ATP13A5: variants seen among roughly 807,000 people sequenced by gnomAD.
The protein encoded by ATP13A5 is probable cation-transporting ATPase 13A5.
ATP13A5 carries 149 observed loss-of-function variants against 150.2 expected under a neutral mutation model. The observed-to-expected ratio is 0.99, with a 90% CI of 0.87 to 1.14. The LOEUF is 1.14. Ranked by LOEUF, ATP13A5 falls within the 50% of genes most tolerant of loss-of-function variation. The pLI is 0.00. For missense variants in ATP13A5, 1,383 were observed against 1,449.3 expected, an observed-to-expected ratio of 0.95 and a Z score of 0.74; for synonymous variants, 497 against 522.2, an observed-to-expected ratio of 0.95 and a Z score of 0.66.
chr3:193,348,889 G>C (rs1161481520), intron 7 of ATP13A5, among the ~76,000 whole-genome samples: 1 of 152,168 alleles, frequency 6.6e-6, no homozygotes, highest in Non-Finnish European at 1.5e-5. Context: ...ACTTGACTTG[G>C]AATCAGAAAA....
chr3:193,309,231 G>A (rs1369719596), intron 21 of ATP13A5, among the ~76,000 whole-genome samples: 2 of 152,082 alleles, frequency 1.3e-5, no homozygotes, highest in Admixed American at 6.6e-5. Context: ...TTCCCTGCTG[G>A]GGCCAGATAA....
chr3:193,342,379 T>A lies in ATP13A5; in HGVS notation c.943+1548A>T, dbSNP rs2108883539. Among the ~76,000 whole-genome samples the A allele has an allele frequency of 2.6e-5, 4 of 152,304 alleles. 1 individual carries two copies. Among genetic ancestry groups the A allele is most frequent in the Admixed American group, 2.6e-4 (4 of 15,290 alleles). ...ACAAATATGTACATGAGTGGGAGGA[T>A]CTATGTAGGCTGTGCAATAAAGTAT... is the stretch of plus-strand genomic sequence containing the variant. On this transcript the variant is annotated intron_variant, in intron 9 of 29. Coordinates refer to ENST00000342358, the MANE Select transcript of ATP13A5 (RefSeq NM_198505.4).
At chr3:193,356,040 A>G (rs1012230291) in intron 5 of ATP13A5, among the ~76,000 whole-genome samples, 15 of 152,158 alleles carry the variant, frequency 9.9e-5, no homozygotes, top group African/African-American at 3.6e-4. Flanking sequence ...ACAACTTCGT[A>G]TGTCTACCCG....
intron 1 of ATP13A5, among the ~76,000 whole-genome samples, chr3:193,365,847 C>A (rs577298864): frequency 6.6e-6 from 1 of 152,130 alleles, no homozygotes; most frequent in South Asian, 2.1e-4. Context: ...AACAAACTCA[C>A]AATGCTAGTA....
At chr3:193,367,702 C>A (rs1713284992) in intron 1 of ATP13A5, among the ~76,000 whole-genome samples, 1 of 152,100 alleles carries the variant, frequency 6.6e-6, no homozygotes, top group Admixed American at 6.5e-5. Context: ...ATTCCATGCA[C>A]TTCAATATTC....
rs1379821780 is a variant in ATP13A5 at position 193,314,109 on chromosome 3, T to A, written c.2243A>T (p.Asp748Val). Residue 748 changes from aspartate (D) to valine (V), a missense_variant, in exon 19 of 30, where the codon GAT becomes GTT. Around this residue, in one of 3 missense-constraint regions of ATP13A5, gnomAD observed 568 missense variants for 621.5 expected, o/e 0.91. Coordinates refer to ENST00000342358, the MANE Select transcript of ATP13A5 (RefSeq NM_198505.4). The stretch of plus-strand genomic sequence containing the variant: ...GGCAGGAACAAATTCTTCTGGTTCA[T>A]CGGCCTCAACAATGATCACTTGGCT... ...PGSQVIIVEA[D>V]EPEEFVPASV... The A allele has an allele frequency of 6.2e-7, 1 of 1,613,958 alleles. No homozygotes were observed. The highest frequency in any genetic ancestry group is 2.2e-5 in the East Asian group (1 of 44,856).
chr3:193,351,277 AATTTTTTTCTC>A, intron 6 of ATP13A5, 76 bp from the exon 7 acceptor site: 1 of 1,542,778 alleles, frequency 6.5e-7, no homozygotes, highest in Non-Finnish European at 8.9e-7. Flanking sequence ...TTTCATTATC[AATTTTTTTCTC>A]ATTTTTTTAC....
At chr3:193,315,179 TAA>T (rs1463599737) in intron 17 of ATP13A5, 83 bp from the exon 18 acceptor site, 2 of 1,366,768 alleles carry the variant, frequency 1.5e-6, no homozygotes, top group Non-Finnish European at 2.0e-6. Flanking sequence ...TAAAAATTTA[TAA>T]GTTTTATTAA....
intron 18 of ATP13A5, among the ~76,000 whole-genome samples, chr3:193,314,619 C>T (rs181884021): frequency 6.6e-6 from 1 of 152,214 alleles, no homozygotes; most frequent in African/African-American, 2.4e-5. Context: ...GGCCCTACTG[C>T]CCTAGAGGAC....
rs575816572 is a variant in ATP13A5 at position 193,348,253 on chromosome 3, A to G, written c.741+2814T>C. Reference sequence around the variant, plus strand: ...TCTTCTGTCCCTGTTCAGCAGGACCAGGATCAGTTTCCAAGATGAATTTGC... The same window carrying G: ...TCTTCTGTCCCTGTTCAGCAGGACCGGGATCAGTTTCCAAGATGAATTTGC... On this transcript the variant is annotated intron_variant, in intron 7 of 29. Coordinates refer to ENST00000342358, the MANE Select transcript of ATP13A5 (RefSeq NM_198505.4). 6.6e-5 allele frequency among the ~76,000 whole-genome samples: 10 copies of G among 152,318 alleles called. No individual in the cohort carries two copies. The South Asian group carries it at 2.1e-3, about 32-fold the overall frequency.
At chr3:193,318,882 CTG>C in intron 17 of ATP13A5, 107 bp downstream of exon 17, 2 of 765,800 alleles carry the variant, frequency 2.6e-6, no homozygotes, top group Non-Finnish European at 4.5e-6. Flanking sequence ...GATTAATTCT[CTG>C]TCTCTGAGAG....
At chr3:193,375,691 A>G (rs925555917) in intron 1 of ATP13A5, among the ~76,000 whole-genome samples, 5 of 152,154 alleles carry the variant, frequency 3.3e-5, no homozygotes, top group African/African-American at 1.2e-4. Flanking sequence ...TGTGTCAAGC[A>G]CCTAGTACCG....
intron 7 of ATP13A5, among the ~76,000 whole-genome samples, chr3:193,350,486 T>C (rs563345688): frequency 2.6e-5 from 4 of 152,048 alleles, no homozygotes; most frequent in Admixed American, 6.6e-5. Flanking sequence ...GAGTATAGAA[T>C]CAAACCTAAT....
Position 193,321,689 on chromosome 3 carries a change from G to C in ATP13A5, c.1907C>G (p.Ser636Cys), listed in dbSNP as rs768524969. The C allele has an allele frequency of 6.2e-7, 1 of 1,614,094 alleles. No homozygotes were observed. The highest frequency in any genetic ancestry group is 8.5e-7 in the Non-Finnish European group (1 of 1,179,990). Reference sequence around the variant, plus strand: ...GAGAAAAGTGTTAGTACCTGTTTCAGATCTGCAGAACCTGGCCACCATTTC... The same window carrying C: ...GAGAAAAGTGTTAGTACCTGTTTCACATCTGCAGAACCTGGCCACCATTTC... The part of the protein sequence containing the change: ...APEMVARFCR[S>C]ETVPKNFPQE... The change falls in exon 16 of 30, where the codon TCT (serine) becomes TGT (cysteine). Residue 636 changes from serine (S) to cysteine (C), a missense_variant. By Grantham distance (112) the Ser-to-Cys change is moderately radical (BLOSUM62 -1). Around this residue, in one of 3 missense-constraint regions of ATP13A5, gnomAD observed 787 missense variants for 771.9 expected, o/e 1.02. Coordinates refer to ENST00000342358, the MANE Select transcript of ATP13A5 (RefSeq NM_198505.4).
At chr3:193,278,234 A>G (rs1228871933) in intron 28 of ATP13A5, among the ~76,000 whole-genome samples, 1 of 152,140 alleles carries the variant, frequency 6.6e-6, no homozygotes, top group Non-Finnish European at 1.5e-5. Context: ...TGATAAATGA[A>G]TGACTTGGGT....
chr3:193,373,178 G>A (rs557153326), intron 1 of ATP13A5, among the ~76,000 whole-genome samples: 1 of 151,974 alleles, frequency 6.6e-6, no homozygotes, highest in Non-Finnish European at 1.5e-5. Flanking sequence ...TCACTCCATT[G>A]CCCAGGCTGG....
intron 25 of ATP13A5, among the ~76,000 whole-genome samples, chr3:193,294,675 T>A (rs1465309691): frequency 1.3e-5 from 2 of 152,050 alleles, no homozygotes; most frequent in Admixed American, 6.6e-5. Context: ...AACCTGGAAA[T>A]GTAAGAAGCC....
At chr3:193,297,389 G>A (rs1718215665) in intron 25 of ATP13A5, among the ~76,000 whole-genome samples, 1 of 152,004 alleles carries the variant, frequency 6.6e-6, no homozygotes, top group African/African-American at 2.4e-5. Context: ...ACCTAGACTT[G>A]ACCAGGAAAT....
At chr3:193,309,487 G>A (rs529725517) in intron 21 of ATP13A5, among the ~76,000 whole-genome samples, 17 of 152,138 alleles carry the variant, frequency 1.1e-4, no homozygotes, top group Admixed American at 1.0e-3. Context: ...GGCCCTCAGC[G>A]ATCCCCAGCT....
Sources: allele counts gnomAD v4.1 joint callset (sites outside exome capture counted in the v4.1 genomes callset), GRCh38; gene constraint gnomAD v4.1.1; regional missense constraint gnomAD v4.1.1; transcripts MANE v1.5; gene names NCBI Gene and HGNC (gene_info 2026-07-23, HGNC 2026-07-21).